Variants in ABTB2 observed in about 807,000 individuals in gnomAD.
ABTB2 encodes ankyrin repeat and BTB/POZ domain-containing protein 2.
ABTB2 carries 56 observed loss-of-function variants against 104.1 expected under a neutral mutation model. That is an observed-to-expected ratio of 0.54 (90% CI 0.43 to 0.67). The LOEUF (loss-of-function observed/expected upper bound fraction) is 0.67, where lower values mean the gene tolerates loss of function less well. Ranked by LOEUF, ABTB2 falls within the 30% of genes least tolerant of loss-of-function variation. The pLI, the probability that ABTB2 is intolerant of heterozygous loss-of-function variation, is 0.00. For synonymous variants in ABTB2, 606 were observed against 608.2 expected, an observed-to-expected ratio of 1.00 and a Z score of 0.05; for missense variants, 1,279 against 1,407.7, an observed-to-expected ratio of 0.91 and a Z score of 1.46.
intron 1 of ABTB2, among the ~76,000 whole-genome samples, chr11:34,311,771 T>C (rs916657125): frequency 1.3e-4 from 20 of 152,212 alleles, no homozygotes; most frequent in African/African-American, 4.8e-4. Flanking sequence ...CAGTAAAGGA[T>C]GGAACAGGTG....
Position 34,167,335 on chromosome 11 carries a change from G to T in ABTB2, c.1679C>A (p.Pro560His), listed in dbSNP as rs1398601088. Residue 560 changes from proline to histidine, a missense_variant, in exon 7 of 17, where the codon CCT becomes CAT. Coordinates refer to ENST00000435224, the MANE Select transcript of ABTB2 (RefSeq NM_145804.3). The stretch of plus-strand genomic sequence containing the variant: ...GTGCCGGCTGTCGGGGTGGATGGAA[G>T]GGTGCCTGGGGGAGTTGCTTGGAAC... The part of the protein sequence containing the change: ...IQVPSNSPRH[P>H]SIHPDSRHWT... 7 of 1,613,370 alleles carry T rather than the reference G, an allele frequency of 4.3e-6. No homozygotes were observed. The highest frequency in any genetic ancestry group is 5.9e-6 in the Non-Finnish European group (7 of 1,179,644).
At chr11:34,220,090 G>A (rs1291088173) in intron 1 of ABTB2, among the ~76,000 whole-genome samples, 1 of 152,202 alleles carries the variant, frequency 6.6e-6, no homozygotes, top group Admixed American at 6.5e-5. Flanking sequence ...GGAGGTATAG[G>A]GAAGGAAGCT....
intron 1 of ABTB2, among the ~76,000 whole-genome samples, chr11:34,220,210 G>GT (rs2133049891): frequency 6.6e-6 from 1 of 152,330 alleles, no homozygotes; most frequent in Admixed American, 6.5e-5. Flanking sequence ...CTGCAAAGAA[G>GT]TAAGAAAACG....
chr11:34,285,584 T>A (rs949067768), intron 1 of ABTB2, among the ~76,000 whole-genome samples: 1 of 152,206 alleles, frequency 6.6e-6, no homozygotes, highest in African/African-American at 2.4e-5. Flanking sequence ...AGGCGAGGGT[T>A]CATCCTTAAG....
At chr11:34,310,861 C>A (rs78249218) in intron 1 of ABTB2, among the ~76,000 whole-genome samples, 4 of 152,188 alleles carry the variant, frequency 2.6e-5, no homozygotes, top group Admixed American at 6.5e-5. Context: ...GCTCCCCACA[C>A]GACACACTCA....
chr11:34,198,128 G>A (rs1853286048), intron 2 of ABTB2, among the ~76,000 whole-genome samples: 1 of 152,122 alleles, frequency 6.6e-6, no homozygotes, highest in South Asian at 2.1e-4. Flanking sequence ...TACAGATGAA[G>A]AACTTGAGGC....
At chr11:34,270,268 T>A (rs1232705373) in intron 1 of ABTB2, among the ~76,000 whole-genome samples, 1 of 151,910 alleles carries the variant, frequency 6.6e-6, no homozygotes, top group African/African-American at 2.4e-5. Flanking sequence ...GCTTCCTGCA[T>A]GGTTTCAGGA....
chr11:34,274,158 C>CAAAAAAAAAAAAAAAAAAAA (rs763755237), intron 1 of ABTB2, among the ~76,000 whole-genome samples: 1 of 50,738 alleles, frequency 2.0e-5, no homozygotes, highest in African/African-American at 7.1e-5. Flanking sequence ...GACTCCGTCT[C>CAAAAAAAAAAAAAAAAAAAA]AAAAAAAAAA....
At chr11:34,278,912 A>G (rs11032594) in intron 1 of ABTB2, among the ~76,000 whole-genome samples, 5,428 of 152,322 alleles carry the variant, frequency 0.036, 343 homozygotes, top group African/African-American at 0.12. Flanking sequence ...GAAAGTGGCC[A>G]AAGATCCCAG....
intron 8 of ABTB2, 72 bp downstream of exon 8, chr11:34,165,188 G>C: frequency 7.2e-7 from 1 of 1,389,214 alleles, no homozygotes; most frequent in South Asian, 1.4e-5. Context: ...TGCACGTCCA[G>C]CTACATGCCT....
Position 34,356,577 on chromosome 11 carries a change from C to T in ABTB2, c.883+124G>A. 1 of 1,325,854 alleles carries T rather than the reference C, an allele frequency of 7.5e-7. No homozygotes were observed. The highest frequency in any genetic ancestry group is 1.0e-6 in the Non-Finnish European group (1 of 986,816). The allele number at this position is 1,325,854 out of a possible 1,614,324, so 82.1% of individuals were successfully genotyped here. ...CATGTAATGAACCCTATCCTCAGAC[C>T]AAACGTTTTCTCCCAAAGAACTGGC... On this transcript the variant is annotated intron_variant, in intron 1 of 16. Transcript: ENST00000435224. This position sits in a 1 kb window ranked among gnomAD's most constrained non-coding sequence, Gnocchi z 4.6.
At chr11:34,229,227 A>C (rs1056623636) in intron 1 of ABTB2, among the ~76,000 whole-genome samples, 4 of 151,974 alleles carry the variant, frequency 2.6e-5, no homozygotes, top group Admixed American at 1.3e-4. Flanking sequence ...TCACGCCTGT[A>C]ATCGCAGCAC....
intron 2 of ABTB2, among the ~76,000 whole-genome samples, chr11:34,201,316 T>C (rs1853333737): frequency 6.6e-6 from 1 of 152,224 alleles, no homozygotes; most frequent in South Asian, 2.1e-4. Flanking sequence ...GGTTTCACTC[T>C]GGTCCTTCCA....
chr11:34,341,021 A>G (rs1855255726), intron 1 of ABTB2, among the ~76,000 whole-genome samples: 2 of 152,236 alleles, frequency 1.3e-5, no homozygotes, highest in Admixed American at 6.5e-5. Context: ...AGCCCCTTCC[A>G]TCATCTTGAA....
At chr11:34,211,299 AGTTT>A (rs1276156100) in intron 1 of ABTB2, among the ~76,000 whole-genome samples, 4 of 151,946 alleles carry the variant, frequency 2.6e-5, no homozygotes, top group Non-Finnish European at 1.5e-5. Flanking sequence ...GGAGAGATGG[AGTTT>A]TTGTCATCTT....
intron 1 of ABTB2, among the ~76,000 whole-genome samples, chr11:34,348,688 A>G (rs922762427): frequency 2.0e-5 from 3 of 152,124 alleles, no homozygotes; most frequent in Admixed American, 2.0e-4. Flanking sequence ...AAGGTCCCCA[A>G]CTATGGGATG....
At chr11:34,197,976 G>A (rs960826268) in intron 2 of ABTB2, among the ~76,000 whole-genome samples, 2 of 152,154 alleles carry the variant, frequency 1.3e-5, no homozygotes, top group Non-Finnish European at 2.9e-5. Flanking sequence ...CAGCGGAGAA[G>A]GTCCCTCTGT....
At chr11:34,192,117 C>A (rs971985415) in intron 3 of ABTB2, among the ~76,000 whole-genome samples, 1 of 152,022 alleles carries the variant, frequency 6.6e-6, no homozygotes, top group African/African-American at 2.4e-5. Context: ...ATGGTGGGAC[C>A]CCATTTCTAC....
At chr11:34,277,853 G>A (rs1383100295) in intron 1 of ABTB2, among the ~76,000 whole-genome samples, 2 of 137,176 alleles carry the variant, frequency 1.5e-5, no homozygotes, top group East Asian at 4.3e-4. Flanking sequence ...TGCCCAGCCT[G>A]GAGTACAATG....
Sources: allele counts gnomAD v4.1 joint callset (sites outside exome capture counted in the v4.1 genomes callset), GRCh38; gene constraint gnomAD v4.1.1; non-coding constraint Gnocchi (gnomAD v3.1); transcripts MANE v1.5; gene names NCBI Gene and HGNC (gene_info 2026-07-23, HGNC 2026-07-21).